The following SGCD variants were observed in gnomAD, a reference collection of about 807,000 sequenced individuals.
SGCD encodes delta-sarcoglycan.
A neutral mutation model predicts 36.6 loss-of-function variants in SGCD; 18 were observed. The ratio of observed to expected loss-of-function variants is 0.49; its 90% CI spans 0.34 to 0.73. The LOEUF (loss-of-function observed/expected upper bound fraction) is 0.73. SGCD is among the 30% of genes least tolerant of loss of function. The pLI is 0.01. For synonymous variants in SGCD, 133 were observed against 130.6 expected, an observed-to-expected ratio of 1.02 and a Z score of -0.12; for missense variants, 387 against 346.7, an observed-to-expected ratio of 1.12 and a Z score of -0.92.
chr5:155,743,748 C>T, the SGCD span, among the ~76,000 whole-genome samples: 1 of 152,108 alleles, frequency 6.6e-6, no homozygotes, highest in Admixed American at 6.5e-5. Context: ...TAAAACAAAC[C>T]TTGAACTGAA....
chr5:155,909,273 T>C (rs1157912499), intron 1 of SGCD, among the ~76,000 whole-genome samples: 1 of 152,144 alleles, frequency 6.6e-6, no homozygotes, highest in South Asian at 2.1e-4. Flanking sequence ...GCTATTTTAT[T>C]CTAATAGACC....
At chr5:155,946,574 C>A (rs1373803383) in intron 1 of SGCD, among the ~76,000 whole-genome samples, 2 of 152,084 alleles carry the variant, frequency 1.3e-5, no homozygotes, top group African/African-American at 4.8e-5. Flanking sequence ...CCTTCTCAAT[C>A]TTCCTAGAGA....
chr5:156,151,197 C>A lies in SGCD; in HGVS notation c.-44+27178C>A, dbSNP rs552169905. On this transcript the variant is annotated intron_variant, in intron 3 of 9. Transcript: ENST00000517913. ...ATTCCTGCTTTCTCCTCTTTCCTATCTCCATTCTTTACATGAAGACCTAGA... is the reference window on the plus strand; with the variant it reads ...ATTCCTGCTTTCTCCTCTTTCCTATATCCATTCTTTACATGAAGACCTAGA... Among the ~76,000 whole-genome samples the A allele has an allele frequency of 3.3e-5, 5 of 151,744 alleles. 1 individual carries two copies. Among genetic ancestry groups the A allele is most frequent in the African/African-American group, 1.2e-4 (5 of 41,042 alleles).
At chr5:156,735,760 C>T (rs1056388967) in intron 7 of SGCD, among the ~76,000 whole-genome samples, 4 of 152,156 alleles carry the variant, frequency 2.6e-5, no homozygotes, top group African/African-American at 9.7e-5. Context: ...CTGGATTCAG[C>T]CACTTTCCTA....
chr5:156,269,796 G>A (rs1360165547), intron 3 of SGCD, among the ~76,000 whole-genome samples: 1 of 152,138 alleles, frequency 6.6e-6, no homozygotes, highest in Non-Finnish European at 1.5e-5. Flanking sequence ...GTTTGCAAAA[G>A]TTTGCAAAGG....
intron 3 of SGCD, among the ~76,000 whole-genome samples, chr5:156,195,412 G>C (rs946470640): frequency 1.3e-5 from 2 of 152,134 alleles, no homozygotes; most frequent in African/African-American, 4.8e-5. Context: ...ACATCTAAAT[G>C]TTAGATGATA....
chr5:156,476,149 T>A (rs1238301157), intron 3 of SGCD, among the ~76,000 whole-genome samples: 2 of 152,192 alleles, frequency 1.3e-5, no homozygotes, highest in Non-Finnish European at 2.9e-5. Flanking sequence ...AGTAGTCCCC[T>A]ACATGGCTGT....
intron 1 of SGCD, among the ~76,000 whole-genome samples, chr5:155,897,742 A>G (rs1756298715): frequency 6.6e-6 from 1 of 152,146 alleles, no homozygotes; most frequent in South Asian, 2.1e-4. Context: ...TGGCCTACAC[A>G]GGATCAAAAT....
At chr5:156,702,293 A>G (rs533357838) in intron 7 of SGCD, among the ~76,000 whole-genome samples, 2 of 151,826 alleles carry the variant, frequency 1.3e-5, no homozygotes, top group South Asian at 4.2e-4. Context: ...TTAATTTTCT[A>G]CTCCTAAACA....
the SGCD span, among the ~76,000 whole-genome samples, chr5:155,763,926 T>C: frequency 1.4e-5 from 2 of 145,648 alleles, no homozygotes; most frequent in Admixed American, 6.7e-5. Context: ...TTTCTTCTTT[T>C]GGAAGGACAA....
chr5:155,872,677 C>T (rs1383182973), intron 1 of SGCD, among the ~76,000 whole-genome samples: 4 of 152,070 alleles, frequency 2.6e-5, no homozygotes, highest in Admixed American at 2.6e-4. Flanking sequence ...TTAAGTACTT[C>T]ACTGAGAACC....
Position 156,396,596 on chromosome 5 carries a change from C to T in SGCD, c.192+51919C>T, listed in dbSNP as rs114293220. Among the ~76,000 whole-genome samples, 408 of 152,100 alleles carry T rather than the reference C, an allele frequency of 2.7e-3. 1 individual carries two copies. Among genetic ancestry groups the T allele is most frequent in the African/African-American group, 9.5e-3 (396 of 41,486 alleles). ...TGGTTAATATGTTTTGAGTGTTCCG[C>T]GGTGTGGAGCATGGTAGGGTAGTTT... On this transcript the variant is annotated intron_variant, in intron 3 of 8. Coordinates refer to ENST00000337851, the MANE Select transcript of SGCD (RefSeq NM_000337.6).
intron 3 of SGCD, among the ~76,000 whole-genome samples, chr5:156,250,743 G>C (rs1007013603): frequency 4.6e-5 from 7 of 152,192 alleles, no homozygotes; most frequent in Non-Finnish European, 1.0e-4. Context: ...ACACAGAACT[G>C]TCAGTTGGGA....
intron 3 of SGCD, among the ~76,000 whole-genome samples, chr5:156,434,282 G>A (rs1753148843): frequency 6.6e-6 from 1 of 152,196 alleles, no homozygotes; most frequent in Admixed American, 6.5e-5. Flanking sequence ...AAACTGATTG[G>A]AGTAAGGCAA....
chr5:156,121,896 G>A (rs1289012328), intron 2 of SGCD, among the ~76,000 whole-genome samples: 1 of 152,080 alleles, frequency 6.6e-6, no homozygotes, highest in Non-Finnish European at 1.5e-5. Flanking sequence ...GTAACAATGA[G>A]ATTTCAGTAT....
chr5:156,084,229 C>T lies in SGCD; in HGVS notation c.-281-33649C>T, dbSNP rs181940091. ...TGATAAATAGTCCATTCTATGGATG[C>T]GGTATGTTTTCCTATATAGGTACGA... On this transcript the variant is annotated intron_variant, in intron 1 of 9. Coordinates refer to the SGCD transcript ENST00000517913. Among the ~76,000 whole-genome samples the T allele has an allele frequency of 1.9e-4, 29 of 152,174 alleles. 1 individual carries two copies. Among genetic ancestry groups the T allele is most frequent in the Admixed American group, 1.3e-3 (20 of 15,270 alleles).
intron 1 of SGCD, among the ~76,000 whole-genome samples, chr5:156,097,191 G>GGTTTA (rs750393386): frequency 2.6e-5 from 4 of 151,656 alleles, no homozygotes; most frequent in Non-Finnish European, 4.4e-5. Flanking sequence ...GTTTTCTCTA[G>GGTTTA]GTTTACCCTG....
chr5:155,750,141 G>T, the SGCD span, among the ~76,000 whole-genome samples: 1 of 152,242 alleles, frequency 6.6e-6, no homozygotes, highest in South Asian at 2.1e-4. Flanking sequence ...AGTCTTAGGA[G>T]CCTAACAAGC....
intron 4 of SGCD, among the ~76,000 whole-genome samples, chr5:156,560,196 G>A (rs1443875940): frequency 6.6e-6 from 1 of 152,178 alleles, no homozygotes; most frequent in Non-Finnish European, 1.5e-5. Context: ...TGAGCCAGAT[G>A]TAACAGTTTC....
Sources: gnomAD v4.1 joint callset for allele counts (sites outside exome capture counted in the v4.1 genomes callset) on GRCh38, gnomAD v4.1.1 for gene constraint, MANE v1.5 for transcripts, NCBI Gene and HGNC (gene_info 2026-07-23, HGNC 2026-07-21) for gene names.